USP34: variants seen among roughly 807,000 people sequenced by gnomAD.
USP34 encodes the protein ubiquitin carboxyl-terminal hydrolase 34.
Under a neutral mutation model 460.3 loss-of-function variants are expected in USP34, and 70 were observed. That is an observed-to-expected ratio of 0.15 (90% CI 0.13 to 0.19). The LOEUF (loss-of-function observed/expected upper bound fraction) is 0.19. USP34 is among the 10% of genes least tolerant of loss of function. The probability of loss-of-function intolerance (pLI) is 1.00; values close to 1 mark genes in which losing one functional copy is unlikely to be tolerated. For missense variants in USP34, 3,985 were observed against 4,236.2 expected, an observed-to-expected ratio of 0.94 and a Z score of 1.65; for synonymous variants, 1,647 against 1,405.3, an observed-to-expected ratio of 1.17 and a Z score of -3.85.
intron 75 of USP34, among the ~76,000 whole-genome samples, chr2:61,202,214 G>A (rs1451156966): frequency 1.5e-4 from 23 of 152,186 alleles, no homozygotes; most frequent in Admixed American, 1.3e-4. Flanking sequence ...TACCTGGAAT[G>A]TATCAAAACC....
intron 23 of USP34, among the ~76,000 whole-genome samples, chr2:61,317,063 G>T (rs892092750): frequency 2.6e-5 from 4 of 152,156 alleles, no homozygotes; most frequent in East Asian, 3.9e-4. Flanking sequence ...TCTTTTATTT[G>T]AAGTAAAATA....
At chr2:61,407,183 C>A (rs1299351358) in intron 2 of USP34, among the ~76,000 whole-genome samples, 1 of 152,124 alleles carries the variant, frequency 6.6e-6, no homozygotes, top group Non-Finnish European at 1.5e-5. Context: ...TCCAGGAGCT[C>A]AAGACAACCC....
At chr2:61,233,155 C>G (rs924826670) in intron 57 of USP34, among the ~76,000 whole-genome samples, 1 of 151,966 alleles carries the variant, frequency 6.6e-6, no homozygotes, top group African/African-American at 2.4e-5. Context: ...CCATGTCACC[C>G]GGCCACCTAT....
At chr2:61,223,378 T>C (rs1054115672) in intron 62 of USP34, 82 bp from the exon 63 acceptor site, 27 of 1,345,596 alleles carry the variant, frequency 2.0e-5, no homozygotes, top group Non-Finnish European at 2.5e-5. Flanking sequence ...TCAAAAATTG[T>C]TGATTCAATT....
chr2:61,376,801 C>G (rs976223191), intron 8 of USP34, among the ~76,000 whole-genome samples: 4 of 152,138 alleles, frequency 2.6e-5, no homozygotes, highest in African/African-American at 9.7e-5. Flanking sequence ...GCATGCGCCA[C>G]CACACCTAAT....
chr2:61,434,368 T>C (rs1188212383), intron 1 of USP34, among the ~76,000 whole-genome samples: 1 of 152,094 alleles, frequency 6.6e-6, no homozygotes, highest in Admixed American at 6.6e-5. Context: ...GGCTGAGCAG[T>C]TGTGCACCTG....
chr2:61,411,090 G>A (rs1259656438), intron 2 of USP34, among the ~76,000 whole-genome samples: 1 of 152,028 alleles, frequency 6.6e-6, no homozygotes, highest in Non-Finnish European at 1.5e-5. Flanking sequence ...ACCAAAGAAG[G>A]CAAGTGTGAT....
At chr2:61,261,114 C>G (rs570241406) in intron 43 of USP34, among the ~76,000 whole-genome samples, 1 of 152,274 alleles carries the variant, frequency 6.6e-6, no homozygotes, top group South Asian at 2.1e-4. Flanking sequence ...CCTCAAAAAA[C>G]TAAACACACA....
chr2:61,247,748 C>T (rs1261388022), intron 49 of USP34, among the ~76,000 whole-genome samples: 7 of 152,104 alleles, frequency 4.6e-5, no homozygotes, highest in Non-Finnish European at 8.8e-5. Flanking sequence ...ACATACAATG[C>T]CCACTTCTTA....
intron 10 of USP34, 52 bp downstream of exon 10, chr2:61,370,269 T>A: frequency 1.9e-6 from 3 of 1,565,080 alleles, no homozygotes; most frequent in Non-Finnish European, 2.6e-6. Context: ...AGAGAAGCAC[T>A]TAGAACATAT....
At chr2:61,188,809 T>C in intron 79 of USP34, 100 bp from the exon 80 acceptor site, 1 of 1,568,938 alleles carries the variant, frequency 6.4e-7, no homozygotes, top group Non-Finnish European at 8.6e-7. Flanking sequence ...CATTTATATT[T>C]AGGAGGTTCA....
chr2:61,326,218 C>G (rs1199948879), intron 20 of USP34, among the ~76,000 whole-genome samples: 1 of 151,456 alleles, frequency 6.6e-6, no homozygotes, highest in Non-Finnish European at 1.5e-5. Context: ...GTATTTGGGG[C>G]TGGAAGGGGG....
At position 61,241,750 on chromosome 2, in the gene USP34, T is replaced by TG; in HGVS notation, c.6681+15dup. On this transcript the variant is annotated intron_variant, in intron 52 of 79. Coordinates refer to ENST00000398571, the MANE Select transcript of USP34 (RefSeq NM_014709.4). ...AGAAAAAACAATATAAAATTATACATGAAAAAAATGGTTACCTTTTCAAAA... is the reference window on the plus strand; with the variant it reads ...AGAAAAAACAATATAAAATTATACATGGAAAAAAATGGTTACCTTTTCAAAA... The TG allele has an allele frequency of 6.7e-7, 1 of 1,500,596 alleles. No homozygotes were observed. The allele number at this position is 1,500,596 out of a possible 1,614,324, so 93.0% of individuals were successfully genotyped here.
intron 78 of USP34, chr2:61,189,415 G>A (rs1008709746): frequency 2.9e-5 from 5 of 169,934 alleles, no homozygotes; most frequent in African/African-American, 1.2e-4. Context: ...TGGGACTACA[G>A]GCGCCCGCCA....
chr2:61,219,918 G>C (rs1360556894), intron 67 of USP34, among the ~76,000 whole-genome samples: 3 of 151,668 alleles, frequency 2.0e-5, no homozygotes, highest in Admixed American at 2.0e-4. Context: ...ACTGGCTTGT[G>C]TACAACTTAA....
At chr2:61,267,529 G>A (rs1033556807) in intron 41 of USP34, among the ~76,000 whole-genome samples, 2 of 150,368 alleles carry the variant, frequency 1.3e-5, no homozygotes, top group African/African-American at 2.4e-5. Context: ...TGCAACCACC[G>A]CTGCCCAGGT....
intron 79 of USP34, 85 bp from the exon 80 acceptor site, chr2:61,188,794 T>C: frequency 3.8e-6 from 6 of 1,566,488 alleles, no homozygotes; most frequent in Non-Finnish European, 5.2e-6. Flanking sequence ...TAATTTTGTT[T>C]CTAGCATTTA....
chr2:61,329,757 G>A (rs990002232), intron 20 of USP34, among the ~76,000 whole-genome samples: 5 of 152,132 alleles, frequency 3.3e-5, no homozygotes, highest in Non-Finnish European at 5.9e-5. Flanking sequence ...TAACCTATGT[G>A]CCAGGTACAA....
intron 23 of USP34, among the ~76,000 whole-genome samples, chr2:61,315,298 A>T (rs958707267): frequency 6.6e-6 from 1 of 152,146 alleles, no homozygotes; most frequent in Non-Finnish European, 1.5e-5. Context: ...AATCCATCCA[A>T]CCTAAACTGA....
Sources: gnomAD v4.1 joint callset for allele counts (sites outside exome capture counted in the v4.1 genomes callset) on GRCh38, gnomAD v4.1.1 for gene constraint, MANE v1.5 for transcripts, NCBI Gene and HGNC (gene_info 2026-07-23, HGNC 2026-07-21) for gene names.